EPHA5: variants seen among roughly 807,000 people sequenced by gnomAD.
EPHA5 encodes the protein EPH receptor A5.
A neutral mutation model predicts 105.0 loss-of-function variants in EPHA5; 60 were observed. The ratio of observed to expected loss-of-function variants is 0.57; its 90% CI spans 0.46 to 0.71. EPHA5 has a LOEUF of 0.71. Ranked by LOEUF, EPHA5 falls within the 30% of genes least tolerant of loss-of-function variation. EPHA5 has a pLI of 0.00. For missense variants in EPHA5, 1,218 were observed against 1,274.7 expected (o/e 0.96, Z 0.68); for synonymous variants, 513 against 449.1 (o/e 1.14, Z -1.80).
chr4:65,509,241 C>T (rs1209495877), intron 3 of EPHA5, among the ~76,000 whole-genome samples: 1 of 152,094 alleles, frequency 6.6e-6, no homozygotes, highest in Non-Finnish European at 1.5e-5. Context: ...TGTCCTTTAA[C>T]AACATATCTT....
chr4:65,506,076 C>T (rs764754296), intron 3 of EPHA5, among the ~76,000 whole-genome samples: 1 of 152,122 alleles, frequency 6.6e-6, no homozygotes, highest in Non-Finnish European at 1.5e-5. Context: ...GTACAATTCC[C>T]ACCTATGAGT....
Position 65,574,601 on chromosome 4 carries a change from T to TATATATATACATATATATATATATACAC in EPHA5, c.910+27039_910+27040insGTGTATATATATATATATGTATATATAT, listed in dbSNP as rs1491430361. Reference sequence around the variant, plus strand: ...ATATGTCTCTCTCTATATATTGCTGTATATATATATACATATATATATATA... The same window carrying TATATATATACATATATATATATATACAC: ...ATATGTCTCTCTCTATATATTGCTGTATATATATACATATATATATATATACACATATATATATACATATATATATATA... On this transcript the variant is annotated intron_variant, in intron 3 of 16. Transcript: ENST00000613740. 6.7e-4 allele frequency among the ~76,000 whole-genome samples: 59 copies of TATATATATACATATATATATATATACAC among 87,764 alleles called. 1 individual carries two copies. The highest frequency in any genetic ancestry group is 1.4e-3 in the African/African-American group (29 of 21,164). 57.6% of individuals were successfully genotyped at this position (87,764 alleles called of 152,430 possible).
In EPHA5 at chr4:65,320,913, T is replaced by C. The variant is rs977973909; in HGVS notation, c.*3201A>G. The C allele has an allele frequency of 4.3e-6, 1 of 230,320 alleles. No homozygotes were observed. The highest frequency in any genetic ancestry group is 6.1e-5 in the East Asian group (1 of 16,302). The allele number at this position is 230,320 out of a possible 1,614,324, so 14.3% of individuals were successfully genotyped here. A position where few individuals can be genotyped will look rare whatever the true frequency, so the allele number is the denominator to read the frequency against. On this transcript the variant is annotated 3_prime_UTR_variant, in exon 17 of 17. Transcript: ENST00000613740. ...AATCTTACAACCTTAGAATACTGAC[T>C]TGGTAATTGAAACACAAGAAATAAA...
At chr4:65,524,072 C>T (rs970030064) in intron 3 of EPHA5, among the ~76,000 whole-genome samples, 6 of 151,480 alleles carry the variant, frequency 4.0e-5, no homozygotes, top group African/African-American at 1.5e-4. Context: ...GGCAACATTG[C>T]TTCACCATAT....
At chr4:65,666,030 C>T (rs1429820314) in intron 1 of EPHA5, among the ~76,000 whole-genome samples, 1 of 152,088 alleles carries the variant, frequency 6.6e-6, no homozygotes, top group Non-Finnish European at 1.5e-5. Flanking sequence ...TTTTACAAAT[C>T]TATTATGTCC....
At chr4:65,520,573 C>G (rs566966145) in intron 3 of EPHA5, among the ~76,000 whole-genome samples, 7 of 152,024 alleles carry the variant, frequency 4.6e-5, no homozygotes, top group African/African-American at 1.7e-4. Flanking sequence ...AAGAAACTAC[C>G]ATCAGAGTGA....
chr4:65,333,461 A>G (rs1459464028), intron 15 of EPHA5, among the ~76,000 whole-genome samples: 1 of 150,310 alleles, frequency 6.7e-6, no homozygotes, highest in Non-Finnish European at 1.5e-5. Context: ...ACCACCTCCC[A>G]CCTTACTCTT....
At chr4:65,446,323 C>T (rs4613615) in intron 5 of EPHA5, among the ~76,000 whole-genome samples, 144,044 of 152,242 alleles carry the variant, frequency 0.95, 68,362 homozygotes, top group East Asian at 1. Context: ...AGTCAAAAAA[C>T]TTATTTGTTC....
chr4:65,503,943 A>G (rs1732749071), intron 3 of EPHA5, among the ~76,000 whole-genome samples: 1 of 150,882 alleles, frequency 6.6e-6, no homozygotes, highest in South Asian at 2.1e-4. Flanking sequence ...ACACACACAC[A>G]CATATATTTA....
chr4:65,492,192 G>T (rs1424120962), intron 4 of EPHA5, among the ~76,000 whole-genome samples: 2 of 151,992 alleles, frequency 1.3e-5, no homozygotes, highest in South Asian at 2.1e-4. Flanking sequence ...GATTTAGCTG[G>T]ATAGAATGTC....
intron 5 of EPHA5, among the ~76,000 whole-genome samples, chr4:65,432,212 G>C (rs1481167159): frequency 6.6e-6 from 1 of 152,128 alleles, no homozygotes; most frequent in Admixed American, 6.5e-5. Context: ...ATTCAAGGAG[G>C]AATTGAGGCA....
intron 3 of EPHA5, among the ~76,000 whole-genome samples, chr4:65,576,042 GAAAGAAAGAAAGAAAGAAAAGA>G (rs1740915044): frequency 2.3e-4 from 14 of 61,456 alleles, no homozygotes; most frequent in East Asian, 1.0e-3. Context: ...AAGAAAGAAA[GAAAGAAAGAAAGAAAGAAAAGA>G]AAAGAAAAGA....
intron 2 of EPHA5, among the ~76,000 whole-genome samples, chr4:65,638,596 G>A (rs1161255736): frequency 6.6e-6 from 1 of 152,064 alleles, no homozygotes; most frequent in Non-Finnish European, 1.5e-5. Context: ...AAAATTAGCC[G>A]GGTGTGGTGG....
chr4:65,660,435 G>A (rs549960560), intron 1 of EPHA5, among the ~76,000 whole-genome samples: 47 of 152,096 alleles, frequency 3.1e-4, no homozygotes, highest in South Asian at 8.3e-4. Context: ...CCTTTTAATC[G>A]TACAGTGTCA....
chr4:65,524,032 C>A (rs1735007501), intron 3 of EPHA5, among the ~76,000 whole-genome samples: 1 of 151,784 alleles, frequency 6.6e-6, no homozygotes, highest in Non-Finnish European at 1.5e-5. Context: ...TCCTTCCAAG[C>A]AGTTGAAAAT....
intron 2 of EPHA5, among the ~76,000 whole-genome samples, chr4:65,619,915 G>T (rs1202693309): frequency 1.3e-5 from 2 of 150,706 alleles, no homozygotes; most frequent in African/African-American, 4.9e-5. Flanking sequence ...TCAATATTTT[G>T]TTTTAATTGA....
At chr4:65,536,046 T>C (rs903871397) in intron 3 of EPHA5, among the ~76,000 whole-genome samples, 1 of 152,014 alleles carries the variant, frequency 6.6e-6, no homozygotes, top group Non-Finnish European at 1.5e-5. Flanking sequence ...GAAGTAATAT[T>C]TGTGATAGAA....
chr4:65,371,281 G>T (rs1718441285), intron 8 of EPHA5, among the ~76,000 whole-genome samples: 1 of 151,906 alleles, frequency 6.6e-6, no homozygotes, highest in Non-Finnish European at 1.5e-5. Flanking sequence ...GAGATGGGCA[G>T]GAGAAATTAT....
intron 6 of EPHA5, among the ~76,000 whole-genome samples, chr4:65,420,227 G>A (rs972816624): frequency 1.3e-5 from 2 of 151,952 alleles, no homozygotes; most frequent in Non-Finnish European, 2.9e-5. Context: ...TAGACTATAT[G>A]GCTATATCTA....
Sources: allele counts gnomAD v4.1 joint callset (sites outside exome capture counted in the v4.1 genomes callset), GRCh38; gene constraint gnomAD v4.1.1; transcripts MANE v1.5; gene names NCBI Gene and HGNC (gene_info 2026-07-23, HGNC 2026-07-21).